DIP2B: variants seen among roughly 807,000 people sequenced by gnomAD.
The protein encoded by DIP2B is disco-interacting protein 2 homolog B.
A neutral mutation model predicts 198.0 loss-of-function variants in DIP2B; 76 were observed. The observed-to-expected ratio is 0.38, with a 90% CI of 0.32 to 0.46. The LOEUF (loss-of-function observed/expected upper bound fraction) is 0.46, where lower values mean the gene tolerates loss of function less well. DIP2B is among the 20% of genes least tolerant of loss of function. The probability of loss-of-function intolerance (pLI) is 0.99; values close to 1 mark genes in which losing one functional copy is unlikely to be tolerated. For synonymous variants in DIP2B, 701 were observed against 739.1 expected (o/e 0.95, Z 0.84); for missense variants, 1,559 against 1,978.4 (o/e 0.79, Z 4.02).
intron 1 of DIP2B, among the ~76,000 whole-genome samples, chr12:50,558,281 G>T (rs919450658): frequency 2.0e-5 from 3 of 152,180 alleles, no homozygotes; most frequent in African/African-American, 7.2e-5. Flanking sequence ...ACATTGTTTT[G>T]ATCAGTCTCC....
chr12:50,524,079 A>G (rs114135435), intron 1 of DIP2B, among the ~76,000 whole-genome samples: 41 of 152,336 alleles, frequency 2.7e-4, no homozygotes, highest in African/African-American at 9.6e-4. Context: ...AAGGCCATAA[A>G]TTGATAACAC....
chr12:50,684,916 A>G (rs895832405), intron 10 of DIP2B, among the ~76,000 whole-genome samples: 2 of 152,006 alleles, frequency 1.3e-5, no homozygotes, highest in Non-Finnish European at 2.9e-5. Context: ...ACATGACGAA[A>G]CCCTGTCTCT....
chr12:50,699,648 C>CAGGCAATGTAGCAATGTAGCA (rs1939381686), intron 19 of DIP2B, among the ~76,000 whole-genome samples: 2 of 151,872 alleles, frequency 1.3e-5, no homozygotes, highest in African/African-American at 4.8e-5. Flanking sequence ...AGTTTGAGAC[C>CAGGCAATGTAGCAATGTAGCA]AGGCAATGTA....
chr12:50,529,427 T>A (rs943555507), intron 1 of DIP2B, among the ~76,000 whole-genome samples: 3 of 152,192 alleles, frequency 2.0e-5, no homozygotes. Context: ...GACTGTCCAA[T>A]GGACCAAAGG....
chr12:50,631,164 G>A (rs536573026), intron 2 of DIP2B, among the ~76,000 whole-genome samples: 12 of 151,222 alleles, frequency 7.9e-5, no homozygotes, highest in East Asian at 1.9e-4. Context: ...TCACTCTGTC[G>A]CCCAGGCTGG....
Position 50,698,329 on chromosome 12 carries a change from C to T in DIP2B, c.2050C>T (p.Pro684Ser), listed in dbSNP as rs201120071. The part of the protein sequence containing the change: ...AEAMTVAIRR[P>S]GVPGAPLPGR... ...AACTTGATGGGTTCTTCTTTTCAGGCCTGGAGTTCCAGGAGCCCCTTTGCC... is the reference window on the plus strand; with the variant it reads ...AACTTGATGGGTTCTTCTTTTCAGGTCTGGAGTTCCAGGAGCCCCTTTGCC... The change falls in exon 18 of 38, where the codon CCT (proline) becomes TCT (serine). Residue 684 changes from proline to serine, a missense_variant and splice_region_variant. Transcript: ENST00000301180. 4.3e-6 allele frequency: 7 copies of T among 1,611,534 alleles called. No individual in the cohort carries two copies. In the East Asian group the frequency reaches 1.3e-4, roughly 31 times the overall value.
intron 16 of DIP2B, among the ~76,000 whole-genome samples, chr12:50,696,472 C>A (rs984116656): frequency 1.3e-5 from 2 of 152,122 alleles, no homozygotes; most frequent in South Asian, 4.1e-4. Context: ...TTAAGTCATT[C>A]TTTTTTGCTC....
At chr12:50,603,677 A>G (rs1958958203) in intron 1 of DIP2B, among the ~76,000 whole-genome samples, 1 of 151,690 alleles carries the variant, frequency 6.6e-6, no homozygotes, top group Non-Finnish European at 1.5e-5. Context: ...AGCCATGATC[A>G]TACCACTGCA....
At chr12:50,536,204 G>T (rs1416903900) in intron 1 of DIP2B, among the ~76,000 whole-genome samples, 1 of 152,094 alleles carries the variant, frequency 6.6e-6, no homozygotes, top group Non-Finnish European at 1.5e-5. Context: ...AGTCCTTTGG[G>T]TATAGAGCCC....
chr12:50,627,949 T>C lies in DIP2B; in HGVS notation c.172+1902T>C, dbSNP rs184615763. ...TGGCCAAGGACAGTCCTTCTACCTA[T>C]GCTTTAGATCCCAACCCCTCCTCCT... is the stretch of plus-strand genomic sequence containing the variant. On this transcript the variant is annotated intron_variant, in intron 2 of 37. Coordinates refer to ENST00000301180, the MANE Select transcript of DIP2B (RefSeq NM_173602.3). Among the ~76,000 whole-genome samples, 9 of 152,346 alleles carry C rather than the reference T, an allele frequency of 5.9e-5. No homozygotes were observed. The East Asian group carries it at 1.7e-3, about 29-fold the overall frequency.
intron 1 of DIP2B, among the ~76,000 whole-genome samples, chr12:50,608,713 C>A (rs1037217034): frequency 6.6e-6 from 1 of 151,932 alleles, no homozygotes; most frequent in African/African-American, 2.4e-5. Flanking sequence ...ACTCTTAATG[C>A]GTGTTCCTAG....
chr12:50,716,958 C>CTTTTTTTGTTTTTTTTTTTTTTTTTTT (rs1939732332), intron 23 of DIP2B, among the ~76,000 whole-genome samples: 1 of 58,924 alleles, frequency 1.7e-5, no homozygotes, highest in Non-Finnish European at 3.0e-5. Flanking sequence ...CGAATTGTTG[C>CTTTTTTTGTTTTTTTTTTTTTTTTTTT]TTTTTTTTTT....
intron 1 of DIP2B, among the ~76,000 whole-genome samples, chr12:50,505,772 G>A (rs1957963243): frequency 6.6e-6 from 1 of 152,122 alleles, no homozygotes. Context: ...AAGCGGGTGA[G>A]CCATTTAGGG....
At chr12:50,525,025 G>C (rs1384600081) in intron 1 of DIP2B, among the ~76,000 whole-genome samples, 1 of 152,068 alleles carries the variant, frequency 6.6e-6, no homozygotes, top group Non-Finnish European at 1.5e-5. Context: ...TCTGTGCCTG[G>C]CCATTTGGTA....
chr12:50,698,231 T>TCCTC, intron 17 of DIP2B, 97 bp from the exon 18 acceptor site: 1 of 1,430,266 alleles, frequency 7.0e-7, no homozygotes, highest in Non-Finnish European at 9.4e-7. Context: ...GAGAATTTTT[T>TCCTC]TGGTATTGTA....
intron 2 of DIP2B, among the ~76,000 whole-genome samples, chr12:50,637,457 C>A (rs1938180587): frequency 6.6e-6 from 1 of 152,178 alleles, no homozygotes; most frequent in African/African-American, 2.4e-5. Context: ...AATAAAGTGG[C>A]TTTTCCTTCT....
At chr12:50,730,756 C>T (rs184677723) in intron 30 of DIP2B, among the ~76,000 whole-genome samples, 66 of 152,260 alleles carry the variant, frequency 4.3e-4, no homozygotes, top group Middle Eastern at 6.8e-3. Flanking sequence ...AAATGTTGTT[C>T]CTCTGCTTAG....
chr12:50,536,692 C>T (rs10783369), intron 1 of DIP2B, among the ~76,000 whole-genome samples: 41,282 of 151,204 alleles, frequency 0.27, 5,965 homozygotes, highest in East Asian at 0.39. Context: ...CTCAGCCTCT[C>T]GAGTAGCTGG....
chr12:50,545,471 GCT>G (rs1284229465), intron 1 of DIP2B, among the ~76,000 whole-genome samples: 1 of 150,538 alleles, frequency 6.6e-6, no homozygotes, highest in Non-Finnish European at 1.5e-5. Context: ...GACTTCTTGA[GCT>G]CAAGTGATCA....
Sources: gnomAD v4.1 joint callset for allele counts (sites outside exome capture counted in the v4.1 genomes callset) on GRCh38, gnomAD v4.1.1 for gene constraint, MANE v1.5 for transcripts, NCBI Gene and HGNC (gene_info 2026-07-23, HGNC 2026-07-21) for gene names.